CCSER1: variants seen among roughly 807,000 people sequenced by gnomAD.
CCSER1 encodes coiled-coil serine rich protein 1.
CCSER1 carries 41 observed loss-of-function variants against 82.0 expected under a neutral mutation model. The ratio of observed to expected loss-of-function variants is 0.50; its 90% confidence interval spans 0.39 to 0.65. The LOEUF (loss-of-function observed/expected upper bound fraction) is 0.65. CCSER1 is among the 30% of genes least tolerant of loss of function. The pLI is 0.00. For synonymous variants in CCSER1, 414 were observed against 383.9 expected, an observed-to-expected ratio of 1.08 and a Z score of -0.92; for missense variants, 1,119 against 1,064.2, an observed-to-expected ratio of 1.05 and a Z score of -0.72.
chr4:90,791,617 A>G lies in CCSER1; in HGVS notation c.2011-24145A>G, dbSNP rs570571480. 4.3e-4 allele frequency among the ~76,000 whole-genome samples: 65 copies of G among 152,162 alleles called. No homozygotes were observed. The South Asian group carries it at 0.01, about 24-fold the overall frequency. The stretch of plus-strand genomic sequence containing the variant: ...TGTAATCCCAGCACTTTGGGAGGCC[A>G]AGGCGGGCGGATCACGAGGTCAGGA... On this transcript the variant is annotated intron_variant, in intron 7 of 10. Coordinates refer to ENST00000509176, the MANE Select transcript of CCSER1 (RefSeq NM_001145065.2).
intron 2 of CCSER1, 150 bp downstream of exon 2, chr4:90,309,758 T>C: frequency 1.6e-6 from 1 of 621,190 alleles, no homozygotes; most frequent in Non-Finnish European, 2.7e-6. Flanking sequence ...GTGTTAAATG[T>C]TTCCCCTGCT....
chr4:91,184,206 A>G (rs554272518), intron 10 of CCSER1, among the ~76,000 whole-genome samples: 1 of 152,334 alleles, frequency 6.6e-6, no homozygotes, highest in South Asian at 2.1e-4. Flanking sequence ...TTTTAGGAGT[A>G]GGTTCAATTG....
chr4:91,525,777 C>T (rs1205686578), intron 10 of CCSER1, among the ~76,000 whole-genome samples: 1 of 152,084 alleles, frequency 6.6e-6, no homozygotes, highest in Non-Finnish European at 1.5e-5. Flanking sequence ...TATACGTAGC[C>T]TCAACCTATG....
intron 5 of CCSER1, among the ~76,000 whole-genome samples, chr4:90,491,559 T>C (rs1041869734): frequency 1.6e-4 from 24 of 152,150 alleles, no homozygotes; most frequent in Non-Finnish European, 2.5e-4. Flanking sequence ...CTATGTTGAA[T>C]AGGAGTGGTG....
intron 5 of CCSER1, among the ~76,000 whole-genome samples, chr4:90,478,590 C>T (rs962057175): frequency 1.3e-5 from 2 of 152,032 alleles, no homozygotes; most frequent in Non-Finnish European, 1.5e-5. Flanking sequence ...TTTGCAAACA[C>T]GTATCCATTT....
intron 4 of CCSER1, among the ~76,000 whole-genome samples, chr4:90,408,687 A>G (rs1450450778): frequency 6.6e-6 from 1 of 152,188 alleles, no homozygotes; most frequent in Non-Finnish European, 1.5e-5. Flanking sequence ...TAGGGGAAAA[A>G]TAGAACAGAA....
At chr4:91,457,341 T>G (rs1350297969) in intron 10 of CCSER1, among the ~76,000 whole-genome samples, 1 of 152,120 alleles carries the variant, frequency 6.6e-6, no homozygotes, top group Non-Finnish European at 1.5e-5. Context: ...CTCCTATTTT[T>G]GTTTAGTTTC....
At chr4:91,446,105 G>A (rs753436031) in intron 10 of CCSER1, among the ~76,000 whole-genome samples, 4 of 152,060 alleles carry the variant, frequency 2.6e-5, no homozygotes, top group Non-Finnish European at 5.9e-5. Context: ...GTTTTATTGT[G>A]TATTGTTTTA....
intron 10 of CCSER1, among the ~76,000 whole-genome samples, chr4:91,338,751 G>A (rs1026315796): frequency 6.6e-6 from 1 of 152,122 alleles, no homozygotes; most frequent in South Asian, 2.1e-4. Flanking sequence ...TGGCATTTCA[G>A]TATCATGTGG....
chr4:91,009,571 T>TC (rs999256407), intron 9 of CCSER1, among the ~76,000 whole-genome samples: 3 of 152,120 alleles, frequency 2.0e-5, no homozygotes, highest in Admixed American at 1.3e-4. Flanking sequence ...TGTTGCTCTT[T>TC]CCCCCCTTTA....
chr4:91,537,601 C>T (rs1360243907), intron 10 of CCSER1, among the ~76,000 whole-genome samples: 1 of 151,828 alleles, frequency 6.6e-6, no homozygotes, highest in Non-Finnish European at 1.5e-5. Context: ...TCATTAAAGT[C>T]ATATATATTT....
intron 10 of CCSER1, among the ~76,000 whole-genome samples, chr4:91,409,314 G>A (rs1752889007): frequency 1.3e-5 from 2 of 152,068 alleles, no homozygotes; most frequent in South Asian, 2.1e-4. Flanking sequence ...ATTCATTTTA[G>A]TATCTTATAA....
rs571280491 is a variant in CCSER1, at chr4:91,300,725, T to C, written c.2217+214731T>C. On this transcript the variant is annotated intron_variant, in intron 10 of 10. Transcript: ENST00000509176. ...TGAAAAAAAATGGGAGAAGTTATAA[T>C]TGGTGTTAAGAAGTAAAGTTGATTA... Among the ~76,000 whole-genome samples, 6 of 151,990 alleles carry C rather than the reference T, an allele frequency of 3.9e-5. No individual in the cohort carries two copies. In the East Asian group the frequency reaches 9.7e-4, roughly 25 times the overall value.
intron 7 of CCSER1, among the ~76,000 whole-genome samples, chr4:90,759,289 T>C (rs1323619627): frequency 1.3e-5 from 2 of 152,228 alleles, no homozygotes; most frequent in Non-Finnish European, 2.9e-5. Flanking sequence ...ACGTTTTATT[T>C]ATCTCTGAAT....
chr4:90,241,931 C>T (rs1414087604), intron 1 of CCSER1, among the ~76,000 whole-genome samples: 1 of 152,160 alleles, frequency 6.6e-6, no homozygotes, highest in East Asian at 1.9e-4. Context: ...TAAGAATCTT[C>T]TATCATCAAA....
At chr4:91,213,329 T>C (rs1736986950) in intron 10 of CCSER1, among the ~76,000 whole-genome samples, 1 of 152,144 alleles carries the variant, frequency 6.6e-6, no homozygotes, top group African/African-American at 2.4e-5. Flanking sequence ...AACAGAGATG[T>C]AGTGCTGCTT....
intron 8 of CCSER1, among the ~76,000 whole-genome samples, chr4:90,874,918 T>A (rs1313452985): frequency 6.6e-6 from 1 of 152,024 alleles, no homozygotes; most frequent in Non-Finnish European, 1.5e-5. Flanking sequence ...TAGTGATGCA[T>A]TCCTATAGTC....
intron 4 of CCSER1, among the ~76,000 whole-genome samples, chr4:90,446,121 A>G (rs1760610720): frequency 6.6e-6 from 1 of 152,166 alleles, no homozygotes; most frequent in Non-Finnish European, 1.5e-5. Context: ...GCAACTTAGA[A>G]TCTGTTCTAT....
At chr4:91,537,280 G>A (rs1409585408) in intron 10 of CCSER1, among the ~76,000 whole-genome samples, 2 of 152,052 alleles carry the variant, frequency 1.3e-5, no homozygotes, top group African/African-American at 2.4e-5. Flanking sequence ...AACCAAGGCA[G>A]CAGGGCTCCA....
Sources: gnomAD v4.1 joint callset for allele counts (sites outside exome capture counted in the v4.1 genomes callset) on GRCh38, gnomAD v4.1.1 for gene constraint, MANE v1.5 for transcripts, NCBI Gene and HGNC (gene_info 2026-07-23, HGNC 2026-07-21) for gene names.